SGF29: variants seen among roughly 807,000 people sequenced by gnomAD.
The protein encoded by SGF29 is SAGA complex associated factor 29.
SGF29 carries 15 observed loss-of-function variants against 38.1 expected under a neutral mutation model. The ratio of observed to expected loss-of-function variants is 0.39; its 90% CI spans 0.26 to 0.61. SGF29 has a LOEUF of 0.61. Ranked by LOEUF, SGF29 falls within the 20% of genes least tolerant of loss-of-function variation. The pLI, the probability that SGF29 is intolerant of heterozygous loss-of-function variation, is 0.49. For synonymous variants in SGF29, 151 were observed against 160.8 expected (o/e 0.94, Z 0.46); for missense variants, 184 against 394.6 (o/e 0.47, Z 4.52).
chr16:28,554,489 G>A (rs1353759418), intron 1 of SGF29, among the ~76,000 whole-genome samples: 1 of 151,966 alleles, frequency 6.6e-6, no homozygotes, highest in Non-Finnish European at 1.5e-5. Flanking sequence ...CAAAAATTTT[G>A]TATATATATA....
At chr16:28,558,104 T>C (rs1319630468) in intron 1 of SGF29, among the ~76,000 whole-genome samples, 1 of 146,800 alleles carries the variant, frequency 6.8e-6, no homozygotes, top group Non-Finnish European at 1.5e-5. Context: ...CCACCACACC[T>C]GGGTACTTTT....
chr16:28,575,250 A>G (rs1273019835), intron 1 of SGF29, among the ~76,000 whole-genome samples: 1 of 152,208 alleles, frequency 6.6e-6, no homozygotes, highest in Non-Finnish European at 1.5e-5. Flanking sequence ...TCTCTATATG[A>G]CAATGCATTG....
At chr16:28,579,087 T>A (rs531223870) in intron 1 of SGF29, among the ~76,000 whole-genome samples, 2 of 151,486 alleles carry the variant, frequency 1.3e-5, no homozygotes, top group East Asian at 3.9e-4. Flanking sequence ...GCCCCCAGCT[T>A]GAACAAACTT....
intron 1 of SGF29, among the ~76,000 whole-genome samples, chr16:28,564,708 C>CGTGT (rs1555474883): frequency 0.023 from 1,161 of 49,686 alleles, 33 homozygotes; most frequent in Non-Finnish European, 0.03. Flanking sequence ...TATATATATA[C>CGTGT]ATATATATGT....
intron 1 of SGF29, among the ~76,000 whole-genome samples, chr16:28,577,924 G>A (rs114295903): frequency 1.4e-3 from 220 of 152,260 alleles, no homozygotes; most frequent in African/African-American, 5.0e-3. Context: ...TTGAAAATTA[G>A]TCGACCATTT....
At position 28,564,553 on chromosome 16, in the gene SGF29, ATATATATATATACGTATATATATACACG is replaced by A. The variant is rs1428339057; in HGVS notation, c.-16+10467_-16+10494del. ...TATATATATATGTATATATATACGT[ATATATATATATACGTATATATATACACG>A]TATATATATACACACATATATGTGT... On this transcript the variant is annotated intron_variant, in intron 1 of 9. Transcript: ENST00000317058. Among the ~76,000 whole-genome samples, 3 of 108,732 alleles carry A rather than the reference ATATATATATATACGTATATATATACACG, an allele frequency of 2.8e-5. 1 individual carries two copies. The highest frequency in any genetic ancestry group is 1.0e-4 in the Admixed American group (1 of 9,606). The allele number at this position is 108,732 out of a possible 152,430, so 71.3% of individuals were successfully genotyped here.
chr16:28,560,124 A>T (rs2046777119), intron 1 of SGF29, among the ~76,000 whole-genome samples: 1 of 151,850 alleles, frequency 6.6e-6, no homozygotes. Flanking sequence ...CAGGAGGCTC[A>T]GGAGGCTAAG....
chr16:28,564,553 A>ATATATGTATATATATATG (rs2046812150), intron 1 of SGF29, among the ~76,000 whole-genome samples: 1 of 108,732 alleles, frequency 9.2e-6, no homozygotes. Flanking sequence ...ATATATACGT[A>ATATATGTATATATATATG]TATATATATA....
chr16:28,586,946 C>G (rs910901759), intron 4 of SGF29, among the ~76,000 whole-genome samples: 3 of 152,196 alleles, frequency 2.0e-5, no homozygotes, highest in African/African-American at 7.2e-5. Context: ...CTCCTGGCCT[C>G]AAGTGATCCT....
chr16:28,558,415 C>T (rs2046766181), intron 1 of SGF29, among the ~76,000 whole-genome samples: 1 of 151,914 alleles, frequency 6.6e-6, no homozygotes, highest in Admixed American at 6.6e-5. Context: ...CGCCTGGCTG[C>T]ACACCTGGGT....
At chr16:28,572,591 G>A (rs1246935442) in intron 1 of SGF29, among the ~76,000 whole-genome samples, 1 of 152,192 alleles carries the variant, frequency 6.6e-6, no homozygotes, top group African/African-American at 2.4e-5. Context: ...CTAAAGGCGT[G>A]TTGCAGAGTC....
chr16:28,571,591 T>TAA (rs143979584), intron 1 of SGF29, among the ~76,000 whole-genome samples: 24,322 of 127,012 alleles, frequency 0.19, 2,655 homozygotes, highest in Admixed American at 0.27. Flanking sequence ...GACTCCGCCT[T>TAA]AAAAAAAAAA....
At position 28,585,284 on chromosome 16, in the gene SGF29, C is replaced by T. The variant is rs570937661; in HGVS notation, c.151+296C>T. The T allele has an allele frequency of 2.5e-4, 128 of 505,262 alleles. 1 individual carries two copies. The Middle Eastern group carries it at 3.7e-3, about 15-fold the overall frequency. 31.3% of individuals were successfully genotyped at this position (505,262 alleles called of 1,614,324 possible). On this transcript the variant is annotated intron_variant, in intron 3 of 9. Coordinates refer to ENST00000317058, the MANE Select transcript of SGF29 (RefSeq NM_138414.3). ...TCTAGAAAGGAGCTTCCTTCCCAGG[C>T]GGCCCCTGCATCTGCCCTGAGGCCC...
chr16:28,575,578 A>G (rs1248441003), intron 1 of SGF29, among the ~76,000 whole-genome samples: 2 of 152,132 alleles, frequency 1.3e-5, no homozygotes, highest in African/African-American at 4.8e-5. Flanking sequence ...CCAGCTACTC[A>G]GGAGGCTGAG....
intron 1 of SGF29, among the ~76,000 whole-genome samples, chr16:28,564,589 ATACACACATATATG>A (rs2046814298): frequency 7.7e-6 from 1 of 130,238 alleles, no homozygotes; most frequent in Non-Finnish European, 1.6e-5. Flanking sequence ...ACGTATATAT[ATACACACATATATG>A]TGTATATATA....
At chr16:28,584,408 A>G (rs2046943109) in intron 2 of SGF29, among the ~76,000 whole-genome samples, 1 of 151,652 alleles carries the variant, frequency 6.6e-6, no homozygotes, top group Non-Finnish European at 1.5e-5. Flanking sequence ...TAATTCCAGC[A>G]CTTTGGGAAA....
At chr16:28,566,242 C>A (rs1002008334) in intron 1 of SGF29, among the ~76,000 whole-genome samples, 2 of 150,408 alleles carry the variant, frequency 1.3e-5, no homozygotes, top group Non-Finnish European at 3.0e-5. Flanking sequence ...CCACTGCACT[C>A]CAGCCTGGGC....
chr16:28,560,353 G>A (rs573295410), intron 1 of SGF29, among the ~76,000 whole-genome samples: 2 of 151,240 alleles, frequency 1.3e-5, no homozygotes, highest in South Asian at 4.2e-4. Context: ...CACTTTGGGA[G>A]GCTGAGGTGG....
rs1475649716 is a variant in SGF29, at chr16:28,590,744, C to G, written c.603-29C>G. Reference sequence around the variant, plus strand: ...GAGAAGGAGCATCCCCACCCGGCCACAGGTTGATATAAGCCCCTCTTCCCC... The same window carrying G: ...GAGAAGGAGCATCCCCACCCGGCCAGAGGTTGATATAAGCCCCTCTTCCCC... On this transcript the variant is annotated intron_variant, in intron 8 of 9. Coordinates refer to ENST00000317058, the MANE Select transcript of SGF29 (RefSeq NM_138414.3). This position sits in a 1 kb window ranked among gnomAD's most constrained non-coding sequence, Gnocchi z 8.2. 2 of 1,613,962 alleles carry G rather than the reference C, an allele frequency of 1.2e-6. No individual in the cohort carries two copies. The highest frequency in any genetic ancestry group is 1.6e-4 in the Middle Eastern group (1 of 6,084).
Sources: gnomAD v4.1 joint callset for allele counts (sites outside exome capture counted in the v4.1 genomes callset) on GRCh38, gnomAD v4.1.1 for gene constraint, Gnocchi (gnomAD v3.1) non-coding constraint, MANE v1.5 for transcripts, NCBI Gene and HGNC (gene_info 2026-07-23, HGNC 2026-07-21) for gene names.